The following SLC18B1 variants were observed in gnomAD, a reference collection of about 807,000 sequenced individuals.
SLC18B1 encodes the protein MFS-type transporter SLC18B1.
SLC18B1 carries 62 observed loss-of-function variants against 53.9 expected under a neutral mutation model. The observed-to-expected ratio is 1.15, with a 90% confidence interval of 0.94 to 1.42. SLC18B1 has a LOEUF of 1.42. SLC18B1 is among the 40% of genes most tolerant of loss of function. The pLI, the probability that SLC18B1 is intolerant of heterozygous loss-of-function variation, is 0.00. For synonymous variants in SLC18B1, 217 were observed against 200.9 expected (o/e 1.08, Z -0.68); for missense variants, 598 against 547.3 (o/e 1.09, Z -0.93).
At chr6:132,773,153 A>G in intron 9 of SLC18B1, 65 bp from the exon 10 acceptor site, 1 of 1,147,916 alleles carries the variant, frequency 8.7e-7, no homozygotes, top group Non-Finnish European at 1.3e-6. Context: ...ACAAACACAA[A>G]GCTTAATGCT....
intron 2 of SLC18B1, among the ~76,000 whole-genome samples, chr6:132,792,671 A>C (rs1781580832): frequency 6.6e-6 from 1 of 152,212 alleles, no homozygotes; most frequent in African/African-American, 2.4e-5. Context: ...GTCATGAGCC[A>C]CTACAGTTTC....
At position 132,795,296 on chromosome 6, in the gene SLC18B1, A is replaced by AT. The variant is rs199516846; in HGVS notation, c.183+1685dup. Reference sequence around the variant, plus strand: ...CAGACAAGAGAAAGCCATTTCCCTGATTTTTTTATACTACCCTAACACATC... The same window carrying AT: ...CAGACAAGAGAAAGCCATTTCCCTGATTTTTTTTATACTACCCTAACACATC... On this transcript the variant is annotated intron_variant, in intron 2 of 13. Coordinates refer to ENST00000275227, the MANE Select transcript of SLC18B1 (RefSeq NM_052831.3). 7.9e-3 allele frequency among the ~76,000 whole-genome samples: 1,199 copies of AT among 151,960 alleles called. 9 individuals are homozygous for AT. The highest frequency in any genetic ancestry group is 0.026 in the African/African-American group (1,092 of 41,442).
At chr6:132,792,327 G>A (rs1369522336) in intron 2 of SLC18B1, among the ~76,000 whole-genome samples, 3 of 115,390 alleles carry the variant, frequency 2.6e-5, no homozygotes, top group Admixed American at 8.4e-5. Flanking sequence ...AAGGAAGGAA[G>A]GAAGGAAGGA....
At position 132,792,345 on chromosome 6, in the gene SLC18B1, AAGGAAGGAAGGG is replaced by A. The variant is rs1412629738; in HGVS notation, c.184-2085_184-2074del. On this transcript the variant is annotated intron_variant, in intron 2 of 13. Transcript: ENST00000275227. The stretch of plus-strand genomic sequence containing the variant: ...GAAGGAAGGAAGGAAGGAAGGAAGG[AAGGAAGGAAGGG>A]AAAGAAAGAAAAGAAGGAAAGAAAG... Among the ~76,000 whole-genome samples the A allele has an allele frequency of 4.0e-3, 392 of 99,018 alleles. 20 individuals carry two copies. The highest frequency in any genetic ancestry group is 0.011 in the Middle Eastern group (2 of 186). The allele number at this position is 99,018 out of a possible 152,430, so 65.0% of individuals were successfully genotyped here.
chr6:132,789,352 G>A (rs1781465641), intron 4 of SLC18B1: 1 of 159,910 alleles, frequency 6.3e-6, no homozygotes, highest in Non-Finnish European at 1.4e-5. Context: ...CCACCTAAAG[G>A]GGAGGGCTTG....
chr6:132,773,949 A>G (rs1781039729), intron 9 of SLC18B1, among the ~76,000 whole-genome samples: 1 of 152,224 alleles, frequency 6.6e-6, no homozygotes, highest in South Asian at 2.1e-4. Context: ...TAAAAATATA[A>G]CAAAAGTATA....
chr6:132,792,301 A>G lies in SLC18B1; in HGVS notation c.184-2029T>C, dbSNP rs1328315995. ...AAAGAAAGGAAGAAAGGAAGGAAGG[A>G]AGGAAGGAAGGAAGGAAGGAAGGAA... On this transcript the variant is annotated intron_variant, in intron 2 of 13. Transcript: ENST00000275227. Among the ~76,000 whole-genome samples the G allele has an allele frequency of 6.3e-5, 6 of 95,578 alleles. No homozygotes were observed. In the South Asian group the frequency reaches 2.0e-3, roughly 31 times the overall value. The allele number at this position is 95,578 out of a possible 152,430, so 62.7% of individuals were successfully genotyped here.
chr6:132,770,638 A>C (rs562751232), intron 13 of SLC18B1, among the ~76,000 whole-genome samples: 1 of 152,276 alleles, frequency 6.6e-6, no homozygotes, highest in East Asian at 1.9e-4. Flanking sequence ...TGGGAGGCTG[A>C]GGCAGGAAAA....
chr6:132,777,156 G>T (rs1349274136), intron 7 of SLC18B1, among the ~76,000 whole-genome samples: 1 of 152,076 alleles, frequency 6.6e-6, no homozygotes, highest in Non-Finnish European at 1.5e-5. Flanking sequence ...CAGGAGAATT[G>T]CTTGAACTTA....
intron 2 of SLC18B1, among the ~76,000 whole-genome samples, chr6:132,792,239 G>GAA (rs1311382105): frequency 1.6e-4 from 1 of 6,084 alleles, no homozygotes; most frequent in African/African-American, 1.1e-3. Context: ...AAGAAAGAAA[G>GAA]AAAGAAAGAA....
chr6:132,774,231 T>C lies in SLC18B1; in HGVS notation c.980A>G (p.His327Arg). ...AGAAGAAAAAAATTACCTTTTAATA[T>C]GCAAGATTGGGACAGGCCCTAAGAG... ...YMLLGPVPIL[H>R]IKSQLWLLVL... The change falls in exon 9 of 14, where the codon CAT becomes CGT. Residue 327 changes from histidine to arginine, a missense_variant. His to Arg is a conservative substitution (Grantham distance 29). Transcript: ENST00000275227. 1 of 1,596,262 alleles carries C rather than the reference T, an allele frequency of 6.3e-7. No individual in the cohort carries two copies. The highest frequency in any genetic ancestry group is 8.5e-7 in the Non-Finnish European group (1 of 1,172,232).
chr6:132,774,019 A>G (rs763993143), intron 9 of SLC18B1, among the ~76,000 whole-genome samples: 2 of 152,208 alleles, frequency 1.3e-5, no homozygotes, highest in Non-Finnish European at 2.9e-5. Context: ...TTTGAGACAG[A>G]TTTTATGCAT....
In SLC18B1 at chr6:132,771,989, G is replaced by A. The variant is rs886125068; in HGVS notation, c.1160+143C>T. 5.3e-5 allele frequency: 31 copies of A among 579,920 alleles called. No homozygotes were observed. In the African/African-American group the frequency reaches 6.2e-4, roughly 12 times the overall value. 35.9% of individuals were successfully genotyped at this position (579,920 alleles called of 1,614,324 possible). A position where few individuals can be genotyped will look rare whatever the true frequency, so the allele number is the denominator to read the frequency against. On this transcript the variant is annotated intron_variant, in intron 11 of 13. Coordinates refer to ENST00000275227, the MANE Select transcript of SLC18B1 (RefSeq NM_052831.3). ...CACCTGTAATCTCAGCTACTCAGGAGGCTGAGATAGAAGAATCTCTTGGAC... is the reference window on the plus strand; with the variant it reads ...CACCTGTAATCTCAGCTACTCAGGAAGCTGAGATAGAAGAATCTCTTGGAC...
In SLC18B1 at chr6:132,790,248, T is replaced by C; in HGVS notation, c.208A>G (p.Thr70Ala). 4 of 1,567,254 alleles carry C rather than the reference T, an allele frequency of 2.6e-6. No homozygotes were observed. The highest frequency in any genetic ancestry group is 2.3e-5 in the East Asian group (1 of 43,624). Residue 70 changes from threonine to alanine, a missense_variant, in exon 3 of 14, where the codon ACA (threonine) becomes GCA (alanine). Thr to Ala is a moderately conservative substitution (Grantham distance 58). Coordinates refer to ENST00000275227, the MANE Select transcript of SLC18B1 (RefSeq NM_052831.3). ...KEAEKKGASN[T>A]IIGMIFGCFA... Reference sequence around the variant, plus strand: ...CATCCAAAGATCATACCGATAATTGTATTGCTGGCTCCCTTCTTTTCAGCC... The same window carrying C: ...CATCCAAAGATCATACCGATAATTGCATTGCTGGCTCCCTTCTTTTCAGCC...
intron 7 of SLC18B1, among the ~76,000 whole-genome samples, chr6:132,778,758 T>C (rs1412203589): frequency 6.6e-6 from 1 of 152,240 alleles, no homozygotes; most frequent in Non-Finnish European, 1.5e-5. Context: ...ATCAAACTTT[T>C]AGAATTCAAC....
chr6:132,791,880 C>T (rs982974811), intron 2 of SLC18B1, among the ~76,000 whole-genome samples: 8 of 152,058 alleles, frequency 5.3e-5, no homozygotes, highest in East Asian at 1.9e-4. Context: ...CTACTACACA[C>T]GGGTCAGGTT....
At position 132,771,112 on chromosome 6, in the gene SLC18B1, G is replaced by A. The variant is rs369775892; in HGVS notation, c.1178C>T (p.Thr393Met). 1.9e-5 allele frequency: 31 copies of A among 1,613,994 alleles called. No homozygotes were observed. Among genetic ancestry groups the A allele is most frequent in the African/African-American group, 1.9e-4 (14 of 75,016 alleles). The part of the protein sequence containing the change: ...MWSIGAFMGP[T>M]LGGFLYEKIG... ...TTTCTCATACAGAAATCCACCCAGC[G>A]TTGGTCCCATAAAAGCACTAACAAT... is the stretch of plus-strand genomic sequence containing the variant. Residue 393 changes from threonine to methionine, a missense_variant, in exon 12 of 14, where the codon ACG (threonine) becomes ATG (methionine). Thr to Met is a moderately conservative substitution (Grantham distance 81). Transcript: ENST00000275227.
intron 3 of SLC18B1, 86 bp downstream of exon 3, chr6:132,790,091 T>C: frequency 1.0e-6 from 1 of 977,352 alleles, no homozygotes. Flanking sequence ...TATTTCTGTA[T>C]CAATGCAAAT....
chr6:132,776,301 A>G (rs866979124), intron 8 of SLC18B1, 27 bp downstream of exon 8: 1 of 1,553,538 alleles, frequency 6.4e-7, no homozygotes, highest in African/African-American at 1.4e-5. Context: ...TACAAAAGTG[A>G]CTCAAATATA....
Sources: gnomAD v4.1 joint callset for allele counts (sites outside exome capture counted in the v4.1 genomes callset) on GRCh38, gnomAD v4.1.1 for gene constraint, MANE v1.5 for transcripts, NCBI Gene and HGNC (gene_info 2026-07-23, HGNC 2026-07-21) for gene names.